The following DICER1 variants were observed in gnomAD, a reference collection of about 807,000 sequenced individuals.
DICER1 encodes the protein dicer 1, ribonuclease III, also known as endoribonuclease Dicer.
A neutral mutation model predicts 194.1 loss-of-function variants in DICER1; 43 were observed. That is an observed-to-expected ratio of 0.22 (90% CI 0.17 to 0.29). The LOEUF (loss-of-function observed/expected upper bound fraction) is 0.29. Ranked by LOEUF, DICER1 falls within the 10% of genes least tolerant of loss-of-function variation. DICER1 has a pLI of 1.00. For missense variants in DICER1, 1,608 were observed against 2,317.0 expected (o/e 0.69, Z 6.28); for synonymous variants, 832 against 820.5 (o/e 1.01, Z -0.24).
At chr14:95,127,265 T>C (rs1893555066) in intron 6 of DICER1, among the ~76,000 whole-genome samples, 2 of 152,240 alleles carry the variant, frequency 1.3e-5, no homozygotes. Context: ...GATCCATTTA[T>C]AGGTCTAACT....
At chr14:95,112,651 C>A (rs1892076866) in intron 12 of DICER1, among the ~76,000 whole-genome samples, 1 of 152,174 alleles carries the variant, frequency 6.6e-6, no homozygotes, top group Non-Finnish European at 1.5e-5. Flanking sequence ...GAAATCAGTA[C>A]TGAGACCAAG....
intron 1 of DICER1, among the ~76,000 whole-genome samples, chr14:95,152,991 AG>A (rs1232446248): frequency 6.6e-6 from 1 of 151,912 alleles, no homozygotes; most frequent in Non-Finnish European, 1.5e-5. Context: ...CCGAGACGGG[AG>A]GATCACGAGG....
Position 95,093,285 on chromosome 14 carries a change from G to C in DICER1, c.5364+603C>G, listed in dbSNP as rs149075577. On this transcript the variant is annotated intron_variant, in intron 24 of 26. Coordinates refer to ENST00000343455, the MANE Select transcript of DICER1 (RefSeq NM_177438.3). ...CAGATGAATGTTAAGAGACTGGAAA[G>C]ATCTAAGCAATATCCTTTCCTACAA... Among the ~76,000 whole-genome samples the C allele has an allele frequency of 5.0e-4, 76 of 152,328 alleles. 1 individual carries two copies. The East Asian group carries it at 0.013, about 26-fold the overall frequency.
chr14:95,098,574 G>A (rs1890573324), intron 22 of DICER1, among the ~76,000 whole-genome samples: 1 of 151,662 alleles, frequency 6.6e-6, no homozygotes, highest in Non-Finnish European at 1.5e-5. Flanking sequence ...TCAATGACAT[G>A]CCAATGTCAC....
intron 1 of DICER1, among the ~76,000 whole-genome samples, chr14:95,143,926 G>T (rs1054494156): frequency 7.2e-5 from 11 of 152,052 alleles, no homozygotes; most frequent in Non-Finnish European, 1.5e-4. Flanking sequence ...CCTAAAATAT[G>T]CTGGCCAACT....
chr14:95,126,816 A>C, intron 6 of DICER1, 68 bp from the exon 7 acceptor site: 1 of 985,294 alleles, frequency 1.0e-6, no homozygotes, highest in Non-Finnish European at 1.5e-6. Context: ...AAAGTTTTTC[A>C]AAAAGCAAAA....
intron 8 of DICER1, among the ~76,000 whole-genome samples, chr14:95,119,849 T>C (rs1892789764): frequency 6.6e-6 from 1 of 152,256 alleles, no homozygotes; most frequent in African/African-American, 2.4e-5. Context: ...AAAATTACTG[T>C]CAAACTGCTC....
intron 1 of DICER1, among the ~76,000 whole-genome samples, chr14:95,148,336 A>C (rs978202462): frequency 4.5e-4 from 69 of 152,254 alleles, no homozygotes; most frequent in African/African-American, 1.5e-3. Context: ...ACCAGCCCCC[A>C]TTTTGAAGCT....
chr14:95,099,757 C>A lies in DICER1; in HGVS notation c.4206+23G>T, dbSNP rs542935652. ...ACACACACACACACACACACACACA[C>A]ACACACACACACACAAACTTACCAT... On this transcript the variant is annotated intron_variant, in intron 22 of 26. Transcript: ENST00000343455. 6.0e-5 allele frequency: 88 copies of A among 1,472,552 alleles called. No homozygotes were observed. In the East Asian group the frequency reaches 1.3e-3, roughly 21 times the overall value. 91.2% of individuals were successfully genotyped at this position (1,472,552 alleles called of 1,614,324 possible).
At chr14:95,143,036 C>T (rs1024612717) in intron 1 of DICER1, among the ~76,000 whole-genome samples, 6 of 152,160 alleles carry the variant, frequency 3.9e-5, no homozygotes, top group Non-Finnish European at 8.8e-5. Context: ...AGATTTCATT[C>T]CTACTCTCAC....
chr14:95,124,415 T>A lies in DICER1; in HGVS notation c.1157A>T (p.Lys386Ile). 1 of 1,614,186 alleles carries A rather than the reference T, an allele frequency of 6.2e-7. No individual in the cohort carries two copies. The highest frequency in any genetic ancestry group is 8.5e-7 in the Non-Finnish European group (1 of 1,179,996). ...CTGCTGTCGCTCATATGGTTTATAT[T>A]TGCGTAAGATTTCGAGCAGTTTGAT... ...KVIKLLEILR[K>I]YKPYERQQFE... Residue 386 changes from lysine (K) to isoleucine (I), a missense_variant, in exon 8 of 27, where the codon AAA becomes ATA. Lys to Ile is a moderately radical substitution (Grantham distance 102). Around this residue, in one of 10 missense-constraint regions of DICER1, gnomAD observed 657 missense variants for 910.1 expected, o/e 0.72. Coordinates refer to ENST00000343455, the MANE Select transcript of DICER1 (RefSeq NM_177438.3). This position sits in a 1 kb window ranked among gnomAD's most constrained non-coding sequence, Gnocchi z 4.5.
chr14:95,113,990 AAGG>A (rs1468085225), intron 11 of DICER1, among the ~76,000 whole-genome samples: 23 of 152,222 alleles, frequency 1.5e-4, no homozygotes, highest in Non-Finnish European at 3.1e-4. Flanking sequence ...CAAAGACAGA[AAGG>A]AGGAAATCTA....
Position 95,088,137 on chromosome 14 carries a change from TGA to T in DICER1, c.*2359_*2360del, listed in dbSNP as rs200215778. 1.7e-3 allele frequency: 407 copies of T among 232,900 alleles called. 5 individuals carry two copies. The East Asian group carries it at 0.023, about 13-fold the overall frequency. The allele number at this position is 232,900 out of a possible 1,614,324, so 14.4% of individuals were successfully genotyped here. On this transcript the variant is annotated 3_prime_UTR_variant, in exon 27 of 27. Coordinates refer to ENST00000343455, the MANE Select transcript of DICER1 (RefSeq NM_177438.3). Reference sequence around the variant, plus strand: ...TCTACTATTTTTCTCCAACAAAAAGTGAAACGGCTGAAGTTTGCTGTTGATAA... The same window carrying T: ...TCTACTATTTTTCTCCAACAAAAAGTAACGGCTGAAGTTTGCTGTTGATAA...
chr14:95,088,785 G>A lies in DICER1; in HGVS notation c.*1713C>T, dbSNP rs1362574956. 5 of 233,070 alleles carry A rather than the reference G, an allele frequency of 2.1e-5. No homozygotes were observed. Among genetic ancestry groups the A allele is most frequent in the African/African-American group, 8.8e-5 (4 of 45,250 alleles). 14.4% of individuals were successfully genotyped at this position (233,070 alleles called of 1,614,324 possible). ...TTTTCTGTCGGTGCACTCGCACAGA[G>A]GCATTTCTCTGTGGGTGGATGATGC... On this transcript the variant is annotated 3_prime_UTR_variant, in exon 27 of 27. Transcript: ENST00000343455.
chr14:95,129,976 T>C, intron 5 of DICER1, 82 bp downstream of exon 5: 2 of 1,311,952 alleles, frequency 1.5e-6, no homozygotes, highest in Non-Finnish European at 2.2e-6. Context: ...ACTAATATTA[T>C]TGCTTTTGAA....
intron 7 of DICER1, among the ~76,000 whole-genome samples, chr14:95,126,120 C>T (rs899966555): frequency 1.3e-5 from 2 of 152,102 alleles, no homozygotes; most frequent in Non-Finnish European, 2.9e-5. Context: ...AGGACCCCAC[C>T]CAGATGCTGC....
rs992186221 is a variant in DICER1 at position 95,087,100 on chromosome 14, A to G, written c.*3398T>C. The G allele has an allele frequency of 1.7e-5, 4 of 233,162 alleles. No individual in the cohort carries two copies. The highest frequency in any genetic ancestry group is 6.6e-5 in the African/African-American group (3 of 45,320). 14.4% of individuals were successfully genotyped at this position (233,162 alleles called of 1,614,324 possible). ...ATGAACTGCGCTCGATCTGGATTCCAGTGATCCTCTGCAGTGCCCACCTGC... is the reference window on the plus strand; with the variant it reads ...ATGAACTGCGCTCGATCTGGATTCCGGTGATCCTCTGCAGTGCCCACCTGC... On this transcript the variant is annotated 3_prime_UTR_variant, in exon 27 of 27. Coordinates refer to ENST00000343455, the MANE Select transcript of DICER1 (RefSeq NM_177438.3).
chr14:95,106,924 C>T (rs548639224), intron 17 of DICER1, among the ~76,000 whole-genome samples: 1 of 152,306 alleles, frequency 6.6e-6, no homozygotes, highest in East Asian at 1.9e-4. Flanking sequence ...GAAAGCCTAT[C>T]AACATTAGAT....
At chr14:95,121,204 C>A (rs867392324) in intron 8 of DICER1, among the ~76,000 whole-genome samples, 1 of 151,984 alleles carries the variant, frequency 6.6e-6, no homozygotes, top group East Asian at 1.9e-4. Context: ...AAAAACAAGA[C>A]GGAAACTGAA....
Sources: allele counts gnomAD v4.1 joint callset (sites outside exome capture counted in the v4.1 genomes callset), GRCh38; gene constraint gnomAD v4.1.1; regional missense constraint gnomAD v4.1.1; non-coding constraint Gnocchi (gnomAD v3.1); transcripts MANE v1.5; gene names NCBI Gene and HGNC (gene_info 2026-07-23, HGNC 2026-07-21).